OCA2: variants seen among roughly 807,000 people sequenced by gnomAD.
The protein encoded by OCA2 is OCA2 melanosomal transmembrane protein, also known as P protein.
A neutral mutation model predicts 100.2 loss-of-function variants in OCA2; 77 were observed. That is an observed-to-expected ratio of 0.77 (90% CI 0.64 to 0.93). The LOEUF (loss-of-function observed/expected upper bound fraction) is 0.93, where lower values mean the gene tolerates loss of function less well. Among genes scored for constraint, OCA2 ranks in the 40% least tolerant of loss-of-function variants. The pLI, the probability that OCA2 is intolerant of heterozygous loss-of-function variation, is 0.00. For synonymous variants in OCA2, 432 were observed against 439.2 expected, an observed-to-expected ratio of 0.98 and a Z score of 0.21; for missense variants, 1,062 against 1,089.1, an observed-to-expected ratio of 0.98 and a Z score of 0.35.
intron 14 of OCA2, among the ~76,000 whole-genome samples, chr15:27,976,503 T>C (rs938636019): frequency 1.3e-5 from 2 of 152,214 alleles, no homozygotes; most frequent in Non-Finnish European, 1.5e-5. Flanking sequence ...TCTGCATCTA[T>C]TGAGATGATC....
the OCA2 span, among the ~76,000 whole-genome samples, chr15:27,726,588 A>C: frequency 7.2e-5 from 11 of 152,100 alleles, no homozygotes; most frequent in African/African-American, 2.7e-4. Context: ...TGGATGTGTG[A>C]TGGGGTTGGG....
At chr15:28,061,443 T>C (rs1383985817) in intron 2 of OCA2, among the ~76,000 whole-genome samples, 1 of 152,196 alleles carries the variant, frequency 6.6e-6, no homozygotes, top group African/African-American at 2.4e-5. Context: ...GGGAAGAATC[T>C]GATTACTAGA....
chr15:27,735,024 A>G, the OCA2 span, among the ~76,000 whole-genome samples: 1 of 152,202 alleles, frequency 6.6e-6, no homozygotes, highest in Non-Finnish European at 1.5e-5. Context: ...AAAAATGAAG[A>G]TATATGAACT....
chr15:28,095,355 G>A (rs1462020298), intron 1 of OCA2, among the ~76,000 whole-genome samples: 13 of 151,946 alleles, frequency 8.6e-5, no homozygotes, highest in Admixed American at 7.9e-4. Context: ...GCCGGCAGCA[G>A]GCGCCGCACG....
At chr15:27,922,062 C>T (rs1055658254) in intron 19 of OCA2, among the ~76,000 whole-genome samples, 1 of 152,148 alleles carries the variant, frequency 6.6e-6, no homozygotes, top group Non-Finnish European at 1.5e-5. Flanking sequence ...CTGTGTTTAT[C>T]GATACCATAA....
chr15:27,866,710 C>T (rs1222709092), intron 21 of OCA2, among the ~76,000 whole-genome samples: 2 of 152,216 alleles, frequency 1.3e-5, no homozygotes, highest in Admixed American at 1.3e-4. Context: ...CGAGGCTCTG[C>T]ACCAGGAAGC....
chr15:27,792,548 G>A (rs1221271356), intron 23 of OCA2, among the ~76,000 whole-genome samples: 1 of 152,068 alleles, frequency 6.6e-6, no homozygotes, highest in Admixed American at 6.5e-5. Flanking sequence ...CCTCCCACAC[G>A]AGCCACATGG....
chr15:27,964,080 A>G (rs191373396), intron 15 of OCA2, among the ~76,000 whole-genome samples: 15 of 152,342 alleles, frequency 9.8e-5, no homozygotes, highest in African/African-American at 3.6e-4. Context: ...AGCCATCCCT[A>G]TATGTATATT....
At chr15:27,841,529 A>T (rs1332823755) in intron 23 of OCA2, among the ~76,000 whole-genome samples, 1 of 152,260 alleles carries the variant, frequency 6.6e-6, no homozygotes, top group Non-Finnish European at 1.5e-5. Flanking sequence ...AAAAAGTTTT[A>T]AAAAATTAAT....
intron 19 of OCA2, chr15:27,895,913 G>T: frequency 1.6e-6 from 1 of 615,046 alleles, no homozygotes; most frequent in Admixed American, 2.2e-5. Flanking sequence ...CCGTACAGAA[G>T]GGGATATGAT....
chr15:27,791,965 C>T (rs566919533), intron 23 of OCA2, among the ~76,000 whole-genome samples: 18 of 152,172 alleles, frequency 1.2e-4, no homozygotes, highest in Non-Finnish European at 8.8e-5. Context: ...TTTTCTGTTG[C>T]ACCTTATGGG....
At chr15:27,845,266 T>G (rs951396214) in intron 22 of OCA2, among the ~76,000 whole-genome samples, 1 of 152,174 alleles carries the variant, frequency 6.6e-6, no homozygotes, top group Non-Finnish European at 1.5e-5. Context: ...CATTTATGGA[T>G]AAGACCATGG....
intron 19 of OCA2, among the ~76,000 whole-genome samples, chr15:27,891,544 C>T (rs1365456889): frequency 6.6e-6 from 1 of 152,186 alleles, no homozygotes; most frequent in Admixed American, 6.5e-5. Context: ...AAACTAAGCA[C>T]ATTCTTCTGT....
At position 27,778,223 on chromosome 15, in the gene OCA2, G is replaced by A. The variant is rs945250322; in HGVS notation, c.2433-22751C>T. On this transcript the variant is annotated intron_variant, in intron 23 of 23. Coordinates refer to ENST00000354638, the MANE Select transcript of OCA2 (RefSeq NM_000275.3). Reference sequence around the variant, plus strand: ...AACCTTTTGCTGACTGTGAAACCACGAAAGTCTAGTGGGCATTTTAAAATC... The same window carrying A: ...AACCTTTTGCTGACTGTGAAACCACAAAAGTCTAGTGGGCATTTTAAAATC... 2.0e-5 allele frequency among the ~76,000 whole-genome samples: 3 copies of A among 152,154 alleles called. No homozygotes were observed. In the East Asian group the frequency reaches 5.8e-4, roughly 29 times the overall value.
At chr15:27,938,592 C>T (rs187780550) in intron 18 of OCA2, among the ~76,000 whole-genome samples, 1 of 152,328 alleles carries the variant, frequency 6.6e-6, no homozygotes, top group South Asian at 2.1e-4. Flanking sequence ...TCAAGGGTTA[C>T]TGTGCTTAGA....
chr15:27,990,470 G>A, intron 10 of OCA2, 106 bp downstream of exon 10: 2 of 1,090,044 alleles, frequency 1.8e-6, no homozygotes, highest in Non-Finnish European at 2.8e-6. Flanking sequence ...ACATGGACGT[G>A]GCATATAAAA....
At chr15:27,769,699 A>G (rs58080463) in intron 23 of OCA2, among the ~76,000 whole-genome samples, 4,226 of 152,330 alleles carry the variant, frequency 0.028, 196 homozygotes, top group African/African-American at 0.096. Flanking sequence ...ACAAAAAGCC[A>G]TTTGGCTGTC....
intron 23 of OCA2, among the ~76,000 whole-genome samples, chr15:27,763,252 C>T (rs1478618125): frequency 6.6e-6 from 1 of 151,704 alleles, no homozygotes; most frequent in African/African-American, 2.4e-5. Flanking sequence ...AAGTATGATT[C>T]CATAAGAAAA....
the OCA2 span, among the ~76,000 whole-genome samples, chr15:27,726,894 C>T: frequency 1.3e-5 from 2 of 152,220 alleles, no homozygotes; most frequent in Non-Finnish European, 2.9e-5. Flanking sequence ...GAACCTGAAT[C>T]TTAAACAGTG....
Sources: gnomAD v4.1 joint callset for allele counts (sites outside exome capture counted in the v4.1 genomes callset) on GRCh38, gnomAD v4.1.1 for gene constraint, MANE v1.5 for transcripts, NCBI Gene and HGNC (gene_info 2026-07-23, HGNC 2026-07-21) for gene names.